The following PACSIN2 variants were observed in gnomAD, a reference collection of about 807,000 sequenced individuals.
PACSIN2 encodes the protein protein kinase C and casein kinase substrate in neurons protein 2.
A neutral mutation model predicts 63.8 loss-of-function variants in PACSIN2; 25 were observed. The observed-to-expected ratio is 0.39, with a 90% CI of 0.29 to 0.55. The LOEUF is 0.55. PACSIN2 is among the 20% of genes least tolerant of loss of function. The probability of loss-of-function intolerance (pLI) is 0.62; values close to 1 mark genes in which losing one functional copy is unlikely to be tolerated. For synonymous variants in PACSIN2, 255 were observed against 256.2 expected, an observed-to-expected ratio of 1.00 and a Z score of 0.05; for missense variants, 518 against 646.9, an observed-to-expected ratio of 0.80 and a Z score of 2.16.
intron 1 of PACSIN2, among the ~76,000 whole-genome samples, chr22:43,010,399 T>TATATATATATATA (rs1388431678): frequency 1.2e-4 from 4 of 32,518 alleles, no homozygotes; most frequent in African/African-American, 1.4e-4. Flanking sequence ...TATATATATA[T>TATATATATATATA]TTTTTTTTAA....
intron 1 of PACSIN2, among the ~76,000 whole-genome samples, chr22:42,935,743 G>A (rs921292323): frequency 5.3e-5 from 8 of 152,032 alleles, no homozygotes; most frequent in South Asian, 2.1e-4. Context: ...CACTGGTCCC[G>A]AGGGAACACA....
chr22:42,999,969 G>T (rs1302427958), intron 1 of PACSIN2, among the ~76,000 whole-genome samples: 2 of 152,248 alleles, frequency 1.3e-5, no homozygotes, highest in African/African-American at 4.8e-5. Flanking sequence ...CACAAGTGCA[G>T]GGCACACATT....
intron 2 of PACSIN2, among the ~76,000 whole-genome samples, chr22:42,909,061 C>T (rs1453125915): frequency 6.6e-6 from 1 of 152,118 alleles, no homozygotes; most frequent in African/African-American, 2.4e-5. Context: ...GTATCATGTC[C>T]CTGTGGGTAA....
chr22:42,916,825 C>G (rs142495115), intron 1 of PACSIN2, among the ~76,000 whole-genome samples: 2 of 152,188 alleles, frequency 1.3e-5, no homozygotes, highest in Admixed American at 1.3e-4. Flanking sequence ...AGTCACCTGG[C>G]ATACATCTGA....
Position 42,880,938 on chromosome 22 carries a change from G to A in PACSIN2, c.906+1246C>T, listed in dbSNP as rs565925052. ...GAAACCCCAGCTGTGCACAAAACACGTCAGCCAAGACTTCCTGGTGTGTGG... is the reference window on the plus strand; with the variant it reads ...GAAACCCCAGCTGTGCACAAAACACATCAGCCAAGACTTCCTGGTGTGTGG... On this transcript the variant is annotated intron_variant, in intron 7 of 10. Transcript: ENST00000263246. Among the ~76,000 whole-genome samples, 4 of 152,342 alleles carry A rather than the reference G, an allele frequency of 2.6e-5. No individual in the cohort carries two copies. In the East Asian group the frequency reaches 7.7e-4, roughly 29 times the overall value.
chr22:42,987,530 C>CTTTT lies in PACSIN2; in HGVS notation c.-78+27487_-78+27490dup, dbSNP rs1160565529. Among the ~76,000 whole-genome samples the CTTTT allele has an allele frequency of 2.3e-3, 118 of 52,024 alleles. 42 individuals are homozygous for CTTTT. The highest frequency in any genetic ancestry group is 0.011 in the African/African-American group (112 of 10,280). The allele number at this position is 52,024 out of a possible 152,430, so 34.1% of individuals were successfully genotyped here. A position where few individuals can be genotyped will look rare whatever the true frequency, so the allele number is the denominator to read the frequency against. Reference sequence around the variant, plus strand: ...TGTTCAGAAGACGGGCACATTCATTCTTTTTTTTTTTTTTTTTTGAGACAG... The same window carrying CTTTT: ...TGTTCAGAAGACGGGCACATTCATTCTTTTTTTTTTTTTTTTTTTTTTGAGACAG... On this transcript the variant is annotated intron_variant, in intron 1 of 10. Transcript: ENST00000263246.
intron 1 of PACSIN2, among the ~76,000 whole-genome samples, chr22:42,952,663 A>AT (rs200065690): frequency 5.4e-5 from 7 of 130,188 alleles, no homozygotes; most frequent in African/African-American, 2.4e-4. Flanking sequence ...CGGCCTATTT[A>AT]TTTATTTTTT....
intron 2 of PACSIN2, among the ~76,000 whole-genome samples, chr22:42,911,177 T>G (rs1195740745): frequency 6.6e-6 from 1 of 152,038 alleles, no homozygotes; most frequent in Non-Finnish European, 1.5e-5. Flanking sequence ...GTGCTGGGGT[T>G]ACAGACATGA....
chr22:42,944,055 G>A (rs1180312394), intron 1 of PACSIN2, among the ~76,000 whole-genome samples: 1 of 152,212 alleles, frequency 6.6e-6, no homozygotes, highest in Middle Eastern at 3.2e-3. Flanking sequence ...TGCTAAGCCA[G>A]ACTGTGTTGG....
intron 1 of PACSIN2, among the ~76,000 whole-genome samples, chr22:42,935,951 C>T (rs533137482): frequency 2.0e-5 from 3 of 152,238 alleles, no homozygotes; most frequent in East Asian, 1.9e-4. Context: ...CGGTGGCTCA[C>T]GCCTGTAATC....
chr22:42,881,425 C>T (rs543989526), intron 7 of PACSIN2, among the ~76,000 whole-genome samples: 209 of 152,296 alleles, frequency 1.4e-3, no homozygotes, highest in African/African-American at 4.8e-3. Flanking sequence ...GAATGCAGCC[C>T]GGGCTCTGGC....
At chr22:42,959,551 C>A (rs985796268) in intron 1 of PACSIN2, 1 of 152,186 alleles carries the variant, frequency 6.6e-6, no homozygotes, top group African/African-American at 2.4e-5. Context: ...AATCTATTCT[C>A]CAAGAAAATC....
chr22:42,935,764 C>A (rs967303514), intron 1 of PACSIN2, among the ~76,000 whole-genome samples: 2 of 152,120 alleles, frequency 1.3e-5, no homozygotes, highest in Non-Finnish European at 2.9e-5. Flanking sequence ...GGTGGCCCCA[C>A]AAGCAGCACC....
At chr22:43,006,904 G>A (rs1432727527) in intron 1 of PACSIN2, among the ~76,000 whole-genome samples, 3 of 152,200 alleles carry the variant, frequency 2.0e-5, no homozygotes, top group African/African-American at 7.2e-5. Context: ...AATGAGTCAA[G>A]GCTGAGGCCA....
chr22:43,010,937 T>C (rs1375360836), intron 1 of PACSIN2, among the ~76,000 whole-genome samples: 1 of 152,238 alleles, frequency 6.6e-6, no homozygotes, highest in African/African-American at 2.4e-5. Flanking sequence ...TGGTGGCCAC[T>C]GTCCCTCAAG....
intron 1 of PACSIN2, among the ~76,000 whole-genome samples, chr22:42,915,050 G>A (rs1198183812): frequency 1.3e-5 from 2 of 152,128 alleles, no homozygotes; most frequent in Non-Finnish European, 1.5e-5. Flanking sequence ...AAATTTATGT[G>A]TGGAAACTGG....
chr22:42,922,678 G>A (rs1932273289), intron 1 of PACSIN2, among the ~76,000 whole-genome samples: 2 of 152,128 alleles, frequency 1.3e-5, no homozygotes, highest in African/African-American at 4.8e-5. Flanking sequence ...CCAATGTTTG[G>A]GCCCAAGGTG....
intron 2 of PACSIN2, among the ~76,000 whole-genome samples, chr22:42,911,573 T>G (rs1416178791): frequency 6.6e-6 from 1 of 152,204 alleles, no homozygotes; most frequent in African/African-American, 2.4e-5. Flanking sequence ...CCAGCAAGTT[T>G]GAAGGCATTT....
At chr22:42,989,111 T>C (rs1922829444) in intron 1 of PACSIN2, among the ~76,000 whole-genome samples, 1 of 152,166 alleles carries the variant, frequency 6.6e-6, no homozygotes, top group African/African-American at 2.4e-5. Flanking sequence ...ACTCCTAGGC[T>C]CACGAAATCC....
Sources: gnomAD v4.1 joint callset for allele counts (sites outside exome capture counted in the v4.1 genomes callset) on GRCh38, gnomAD v4.1.1 for gene constraint, MANE v1.5 for transcripts, NCBI Gene and HGNC (gene_info 2026-07-23, HGNC 2026-07-21) for gene names.